ROBO2: variants seen among roughly 807,000 people sequenced by gnomAD.
ROBO2 encodes roundabout homolog 2.
In ROBO2, 53 loss-of-function variants were observed where a neutral mutation model predicts 160.8. The ratio of observed to expected loss-of-function variants is 0.33; its 90% CI spans 0.26 to 0.41. The LOEUF is 0.41. ROBO2 is among the 10% of genes least tolerant of loss of function. The pLI, the probability that ROBO2 is intolerant of heterozygous loss-of-function variation, is 1.00. For synonymous variants in ROBO2, 664 were observed against 611.7 expected, an observed-to-expected ratio of 1.09 and a Z score of -1.26; for missense variants, 1,577 against 1,722.4, an observed-to-expected ratio of 0.92 and a Z score of 1.49.
intron 2 of ROBO2, among the ~76,000 whole-genome samples, chr3:76,211,678 T>A (rs1394990637): frequency 1.3e-5 from 2 of 152,106 alleles, no homozygotes; most frequent in African/African-American, 2.4e-5. Flanking sequence ...TACAGACTTT[T>A]AGAGGTATTT....
chr3:77,106,076 T>A (rs138566454), intron 2 of ROBO2, among the ~76,000 whole-genome samples: 137 of 152,318 alleles, frequency 9.0e-4, no homozygotes, highest in African/African-American at 3.2e-3. Flanking sequence ...GGAGTCTGGC[T>A]CAGTCACCCA....
intron 2 of ROBO2, among the ~76,000 whole-genome samples, chr3:77,229,480 T>C (rs2086894504): frequency 6.6e-6 from 1 of 151,534 alleles, no homozygotes; most frequent in South Asian, 2.1e-4. Context: ...GATAAAATTA[T>C]TCTTTTATTC....
intron 2 of ROBO2, among the ~76,000 whole-genome samples, chr3:76,142,261 T>C (rs2071699868): frequency 6.6e-6 from 1 of 151,936 alleles, no homozygotes; most frequent in African/African-American, 2.4e-5. Flanking sequence ...GTATGGAGGT[T>C]CCTCAAAAAA....
At chr3:77,102,459 A>G (rs747938270) in intron 2 of ROBO2, among the ~76,000 whole-genome samples, 2 of 152,194 alleles carry the variant, frequency 1.3e-5, no homozygotes, top group Non-Finnish European at 2.9e-5. Flanking sequence ...GTCAGTTGAG[A>G]ACCACTGACC....
At chr3:76,448,904 C>T (rs529781585) in intron 2 of ROBO2, among the ~76,000 whole-genome samples, 2 of 152,216 alleles carry the variant, frequency 1.3e-5, no homozygotes, top group East Asian at 1.9e-4. Flanking sequence ...CACTGCATCC[C>T]TATTCATTAT....
chr3:76,462,890 C>T (rs901461601), intron 2 of ROBO2, among the ~76,000 whole-genome samples: 1 of 152,160 alleles, frequency 6.6e-6, no homozygotes, highest in African/African-American at 2.4e-5. Flanking sequence ...TAGTGCTACC[C>T]TTTGTCCCTC....
chr3:76,336,872 T>A (rs1185368411), intron 2 of ROBO2, among the ~76,000 whole-genome samples: 1 of 152,180 alleles, frequency 6.6e-6, no homozygotes. Context: ...TGAACTACTT[T>A]AAGTATATAT....
At chr3:76,252,245 G>T (rs1192314584) in intron 2 of ROBO2, among the ~76,000 whole-genome samples, 1 of 152,076 alleles carries the variant, frequency 6.6e-6, no homozygotes, top group East Asian at 1.9e-4. Context: ...GGATTATACA[G>T]ATTGGTTTGG....
chr3:76,553,341 G>GACT (rs1196645966), intron 2 of ROBO2, among the ~76,000 whole-genome samples: 2 of 152,252 alleles, frequency 1.3e-5, no homozygotes, highest in African/African-American at 4.8e-5. Flanking sequence ...AAGGGAAGAT[G>GACT]ACTGTCAAGG....
intron 2 of ROBO2, among the ~76,000 whole-genome samples, chr3:76,952,105 C>T (rs896237583): frequency 1.3e-5 from 2 of 152,112 alleles, no homozygotes; most frequent in African/African-American, 4.8e-5. Context: ...TGATGACTTT[C>T]AGCAGACCTC....
intron 2 of ROBO2, among the ~76,000 whole-genome samples, chr3:76,223,013 C>G (rs1704068165): frequency 1.3e-5 from 2 of 151,914 alleles, no homozygotes; most frequent in Admixed American, 6.6e-5. Flanking sequence ...CCTCAGCCTC[C>G]CAAAGTGCTG....
At chr3:76,080,825 T>C (rs1361232212) in intron 2 of ROBO2, among the ~76,000 whole-genome samples, 1 of 152,230 alleles carries the variant, frequency 6.6e-6, no homozygotes, top group Non-Finnish European at 1.5e-5. Context: ...AGATCATCTT[T>C]TTCTTTGCGG....
intron 2 of ROBO2, among the ~76,000 whole-genome samples, chr3:77,200,193 C>T (rs144031290): frequency 8.5e-5 from 12 of 140,438 alleles, no homozygotes; most frequent in African/African-American, 3.1e-4. Context: ...AATGTTTTTC[C>T]AACATTTTAA....
chr3:76,484,474 T>G (rs1249887235), intron 2 of ROBO2, among the ~76,000 whole-genome samples: 1 of 151,938 alleles, frequency 6.6e-6, no homozygotes, highest in Non-Finnish European at 1.5e-5. Context: ...AAGTGGGGAG[T>G]CGGCTATGCA....
intron 2 of ROBO2, among the ~76,000 whole-genome samples, chr3:76,888,354 C>T (rs766021361): frequency 6.6e-6 from 1 of 151,952 alleles, no homozygotes; most frequent in Admixed American, 6.6e-5. Flanking sequence ...GGTGACAGAA[C>T]CAGTCTCTGC....
chr3:76,273,696 G>A (rs1218194468), intron 2 of ROBO2, among the ~76,000 whole-genome samples: 3 of 152,134 alleles, frequency 2.0e-5, no homozygotes, highest in African/African-American at 7.2e-5. Context: ...TCACCATCAT[G>A]AGAACTCACT....
At chr3:77,317,158 C>A in intron 2 of ROBO2, 1 of 1,024,202 alleles carries the variant, frequency 9.8e-7, no homozygotes, top group South Asian at 1.3e-5. Flanking sequence ...GGTACCCAGC[C>A]AGCCAGCCCT....
intron 2 of ROBO2, among the ~76,000 whole-genome samples, chr3:76,283,302 A>G (rs1236327550): frequency 1.3e-5 from 2 of 151,124 alleles, no homozygotes; most frequent in Non-Finnish European, 3.0e-5. Flanking sequence ...GAAGTTTCTT[A>G]CCCACCTATT....
At chr3:76,324,239 G>C (rs1450975831) in intron 2 of ROBO2, among the ~76,000 whole-genome samples, 1 of 152,160 alleles carries the variant, frequency 6.6e-6, no homozygotes, top group African/African-American at 2.4e-5. Flanking sequence ...AAAGAAAAAA[G>C]GTCACTTTTC....
Sources: gnomAD v4.1 joint callset for allele counts (sites outside exome capture counted in the v4.1 genomes callset) on GRCh38, gnomAD v4.1.1 for gene constraint, MANE v1.5 for transcripts, NCBI Gene and HGNC (gene_info 2026-07-23, HGNC 2026-07-21) for gene names.